Variants in BIN2 observed in about 807,000 individuals in gnomAD.
BIN2 encodes bridging integrator 2, also known as breast cancer associated protein BRAP1.
BIN2 carries 43 observed loss-of-function variants against 67.9 expected under a neutral mutation model. That is an observed-to-expected ratio of 0.63 (90% CI 0.50 to 0.82). The LOEUF (loss-of-function observed/expected upper bound fraction) is 0.82. Among genes scored for constraint, BIN2 ranks in the 40% least tolerant of loss-of-function variants. The pLI is 0.00. For synonymous variants in BIN2, 244 were observed against 246.8 expected (o/e 0.99, Z 0.11); for missense variants, 581 against 671.6 (o/e 0.87, Z 1.49).
intron 9 of BIN2, among the ~76,000 whole-genome samples, chr12:51,295,579 T>G (rs6580822): frequency 0.18 from 3,636 of 20,192 alleles, 834 homozygotes; most frequent in African/African-American, 0.42. Flanking sequence ...AAAAAAAAAA[T>G]ATATATATAT....
At position 51,324,140 on chromosome 12, in the gene BIN2, G is replaced by C; in HGVS notation, c.-38C>G. ...CTGGGGGCCGCCGCCCTGGCCCCGC[G>C]CCCTGTGGTTTTCTGAGGCCCCCGA... On this transcript the variant is annotated 5_prime_UTR_variant, in exon 1 of 13. Transcript: ENST00000615107. 2 of 1,608,316 alleles carry C rather than the reference G, an allele frequency of 1.2e-6. No homozygotes were observed. The highest frequency in any genetic ancestry group is 2.2e-5 in the East Asian group (1 of 44,624).
chr12:51,284,286 T>C (rs1945186247), intron 12 of BIN2, among the ~76,000 whole-genome samples: 1 of 152,212 alleles, frequency 6.6e-6, no homozygotes, highest in Non-Finnish European at 1.5e-5. Flanking sequence ...TAAAGTAACA[T>C]GCTGTATAGG....
chr12:51,291,400 G>T (rs1283559520), intron 10 of BIN2, among the ~76,000 whole-genome samples, 191 bp downstream of exon 10: 2 of 152,104 alleles, frequency 1.3e-5, no homozygotes, highest in East Asian at 3.9e-4. Flanking sequence ...CTTGAGGCCA[G>T]GAATTCAAGA....
chr12:51,323,955 C>T, intron 1 of BIN2, 67 bp downstream of exon 1: 2 of 1,588,622 alleles, frequency 1.3e-6, no homozygotes, highest in Non-Finnish European at 1.7e-6. Context: ...CCCCTCCTGC[C>T]CGGCCGGGCT....
At chr12:51,320,813 C>T (rs1946251306) in intron 1 of BIN2, among the ~76,000 whole-genome samples, 1 of 151,632 alleles carries the variant, frequency 6.6e-6, no homozygotes, top group African/African-American at 2.4e-5. Flanking sequence ...AGGAGAAGAC[C>T]AACAAAGGAG....
chr12:51,292,846 T>C (rs1397317877), intron 9 of BIN2, among the ~76,000 whole-genome samples: 1 of 152,166 alleles, frequency 6.6e-6, no homozygotes. Context: ...CTTTCCACCA[T>C]GTTTTCCTAA....
At position 51,302,111 on chromosome 12, in the gene BIN2, T is replaced by C. The variant is rs759052022; in HGVS notation, c.317A>G (p.Asn106Ser). ...HEELKAIVWN[N>S]DLLWEDYEEK... Reference sequence around the variant, plus strand: ...CTCGTAGTCTTCCCAAAGGAGATCATTATTCTGTAGGATAGAGTCAGAGGC... The same window carrying C: ...CTCGTAGTCTTCCCAAAGGAGATCACTATTCTGTAGGATAGAGTCAGAGGC... Residue 106 changes from asparagine (N) to serine (S), a missense_variant, in exon 5 of 13, where the codon AAT (asparagine) becomes AGT (serine). Asn to Ser is a conservative substitution (Grantham distance 46, BLOSUM62 1). Coordinates refer to ENST00000615107, the MANE Select transcript of BIN2 (RefSeq NM_016293.4). The C allele has an allele frequency of 6.2e-6, 10 of 1,609,334 alleles. 1 individual carries two copies. In the South Asian group the frequency reaches 7.7e-5, roughly 12 times the overall value.
At chr12:51,304,750 C>T (rs1434538338) in intron 2 of BIN2, among the ~76,000 whole-genome samples, 1 of 152,250 alleles carries the variant, frequency 6.6e-6, no homozygotes, top group Admixed American at 6.5e-5. Flanking sequence ...GGCGCAGTGG[C>T]TCACGCCTGT....
chr12:51,307,681 A>G (rs886108581), intron 2 of BIN2, among the ~76,000 whole-genome samples: 3 of 151,544 alleles, frequency 2.0e-5, no homozygotes, highest in Non-Finnish European at 2.9e-5. Flanking sequence ...CTGCACTCCA[A>G]CCTGGGCGAC....
At chr12:51,318,202 G>A (rs1946181155) in intron 1 of BIN2, among the ~76,000 whole-genome samples, 1 of 151,896 alleles carries the variant, frequency 6.6e-6, no homozygotes, top group Non-Finnish European at 1.5e-5. Context: ...CCATGCAAGA[G>A]TGCCCAGATC....
At chr12:51,293,502 T>C (rs1945448560) in intron 9 of BIN2, among the ~76,000 whole-genome samples, 1 of 151,970 alleles carries the variant, frequency 6.6e-6, no homozygotes, top group Non-Finnish European at 1.5e-5. Context: ...TTAGTAGAGA[T>C]GGGGTTTCAC....
chr12:51,321,318 A>T (rs1173761045), intron 1 of BIN2, among the ~76,000 whole-genome samples: 1 of 152,150 alleles, frequency 6.6e-6, no homozygotes, highest in Non-Finnish European at 1.5e-5. Context: ...CAGAGATGCT[A>T]ATAACCTGCT....
chr12:51,301,530 G>T (rs1033151659), intron 5 of BIN2, among the ~76,000 whole-genome samples: 2 of 151,656 alleles, frequency 1.3e-5, no homozygotes, highest in Non-Finnish European at 2.9e-5. Context: ...TACTTTTTTT[G>T]AGACACCAGC....
rs1257818466 is a variant in BIN2, at chr12:51,318,538, G to A, written c.82-4635C>T. Among the ~76,000 whole-genome samples the A allele has an allele frequency of 3.3e-5, 5 of 152,180 alleles. No individual in the cohort carries two copies. In the East Asian group the frequency reaches 9.6e-4, roughly 29 times the overall value. ...CAGCCTCCCAGTGTTGGAATTATAG[G>A]CGTGAGCCACTGGGCCACCAGTATC... is the stretch of plus-strand genomic sequence containing the variant. On this transcript the variant is annotated intron_variant, in intron 1 of 12. Transcript: ENST00000615107.
chr12:51,284,879 G>A, intron 11 of BIN2, 92 bp from the exon 12 acceptor site: 2 of 945,008 alleles, frequency 2.1e-6, no homozygotes, highest in Non-Finnish European at 1.7e-6. Flanking sequence ...ACTTTACAAG[G>A]GTCTCAGTAT....
At chr12:51,287,812 C>T (rs1376921712) in intron 11 of BIN2, among the ~76,000 whole-genome samples, 1 of 151,880 alleles carries the variant, frequency 6.6e-6, no homozygotes, top group Non-Finnish European at 1.5e-5. Context: ...CCACCACACC[C>T]GGCTAATTTT....
At chr12:51,301,470 G>A (rs1386171981) in intron 5 of BIN2, among the ~76,000 whole-genome samples, 2 of 151,914 alleles carry the variant, frequency 1.3e-5, no homozygotes, top group African/African-American at 2.4e-5. Flanking sequence ...GATCTAATTC[G>A]AAATCAGCCC....
intron 10 of BIN2, among the ~76,000 whole-genome samples, chr12:51,290,311 G>C (rs1344403275): frequency 6.6e-6 from 1 of 151,262 alleles, no homozygotes; most frequent in Non-Finnish European, 1.5e-5. Flanking sequence ...TTTTAATGGA[G>C]ACAGGGTTTC....
At chr12:51,288,233 C>T (rs762838126) in intron 10 of BIN2, 45 bp from the exon 11 acceptor site, 19 of 1,512,192 alleles carry the variant, frequency 1.3e-5, no homozygotes, top group Non-Finnish European at 1.6e-5. Flanking sequence ...CCACACCTTC[C>T]ACCTGGGGGC....
Sources: gnomAD v4.1 joint callset for allele counts (sites outside exome capture counted in the v4.1 genomes callset) on GRCh38, gnomAD v4.1.1 for gene constraint, MANE v1.5 for transcripts, NCBI Gene and HGNC (gene_info 2026-07-23, HGNC 2026-07-21) for gene names.